The following PCSK6 variants were observed in gnomAD, a reference collection of about 807,000 sequenced individuals.
The protein encoded by PCSK6 is proprotein convertase subtilisin/kexin type 6.
PCSK6 carries 85 observed loss-of-function variants against 123.3 expected under a neutral mutation model. That is an observed-to-expected ratio of 0.69 (90% CI 0.58 to 0.83). PCSK6 has a LOEUF of 0.83. Among genes scored for constraint, PCSK6 ranks in the 40% least tolerant of loss-of-function variants. The pLI is 0.00. For synonymous variants in PCSK6, 508 were observed against 516.0 expected (o/e 0.98, Z 0.21); for missense variants, 1,191 against 1,282.3 (o/e 0.93, Z 1.09).
chr15:101,442,533 G>A (rs2056783053), intron 2 of PCSK6, among the ~76,000 whole-genome samples: 1 of 152,104 alleles, frequency 6.6e-6, no homozygotes, highest in African/African-American at 2.4e-5. Flanking sequence ...ACAGATCCCT[G>A]CTCAGTCAAT....
chr15:101,460,774 C>T (rs2057323484), intron 1 of PCSK6, among the ~76,000 whole-genome samples: 1 of 152,098 alleles, frequency 6.6e-6, no homozygotes. Context: ...TTTGGAAATT[C>T]ACAAACACAT....
chr15:101,419,746 C>G (rs1429933431), intron 6 of PCSK6, among the ~76,000 whole-genome samples: 2 of 151,762 alleles, frequency 1.3e-5, no homozygotes, highest in South Asian at 2.1e-4. Flanking sequence ...TATGAAGGAA[C>G]TGACTAAGGA....
At chr15:101,409,653 T>C (rs2042887718) in intron 6 of PCSK6, among the ~76,000 whole-genome samples, 1 of 151,304 alleles carries the variant, frequency 6.6e-6, no homozygotes, top group African/African-American at 2.4e-5. Flanking sequence ...CCTCCTGCCT[T>C]AGGAAAGTGT....
rs1221161183 is a variant in PCSK6 at position 101,459,024 on chromosome 15, T to G, written c.298-15364A>C. On this transcript the variant is annotated intron_variant, in intron 1 of 21. Transcript: ENST00000611716. Reference sequence around the variant, plus strand: ...CGTGTTCAGAGAGAAGTGGCGTGTGTGTAGCTTCTCTCAGCCAAGGGAGAA... The same window carrying G: ...CGTGTTCAGAGAGAAGTGGCGTGTGGGTAGCTTCTCTCAGCCAAGGGAGAA... Among the ~76,000 whole-genome samples the G allele has an allele frequency of 2.0e-5, 3 of 152,168 alleles. No homozygotes were observed. In the East Asian group the frequency reaches 5.8e-4, roughly 29 times the overall value.
chr15:101,437,898 G>A (rs1054761459), intron 2 of PCSK6, among the ~76,000 whole-genome samples: 1 of 152,100 alleles, frequency 6.6e-6, no homozygotes, highest in African/African-American at 2.4e-5. Flanking sequence ...GGGTAGCTCA[G>A]AACGTGACTG....
chr15:101,321,615 G>A (rs2040123658), intron 18 of PCSK6, among the ~76,000 whole-genome samples: 1 of 152,266 alleles, frequency 6.6e-6, no homozygotes, highest in Admixed American at 6.5e-5. Flanking sequence ...CTTCTTCTAT[G>A]GAGAATTCCA....
At chr15:101,307,004 G>A (rs575387778) in intron 21 of PCSK6, among the ~76,000 whole-genome samples, 24 of 152,314 alleles carry the variant, frequency 1.6e-4, no homozygotes, top group African/African-American at 5.3e-4. Flanking sequence ...CTCTCTGATC[G>A]ATGTGAGAGG....
chr15:101,431,626 C>G, intron 3 of PCSK6, 163 bp from the exon 4 acceptor site: 1 of 850,192 alleles, frequency 1.2e-6, no homozygotes, highest in Non-Finnish European at 1.9e-6. Flanking sequence ...CCACTCGGAT[C>G]GAGAATCATG....
chr15:101,455,168 C>CA (rs1384450331), intron 1 of PCSK6, among the ~76,000 whole-genome samples: 1 of 142,176 alleles, frequency 7.0e-6, no homozygotes, highest in African/African-American at 2.5e-5. Context: ...AACAAACAAA[C>CA]AAAAAACTCT....
intron 13 of PCSK6, among the ~76,000 whole-genome samples, chr15:101,361,164 CTTTTTT>C (rs754933946): frequency 8.7e-5 from 7 of 80,712 alleles, no homozygotes; most frequent in Admixed American, 6.3e-4. Flanking sequence ...CTTTCTCTCT[CTTTTTT>C]TTTTTTTTTT....
chr15:101,440,577 G>A (rs28580587), intron 2 of PCSK6, among the ~76,000 whole-genome samples: 3,647 of 152,278 alleles, frequency 0.024, 126 homozygotes, highest in African/African-American at 0.083. Context: ...GCATTTGATG[G>A]AACTTTATCC....
chr15:101,428,554 C>A (rs985228994), intron 5 of PCSK6, among the ~76,000 whole-genome samples: 1 of 152,226 alleles, frequency 6.6e-6, no homozygotes, highest in African/African-American at 2.4e-5. Flanking sequence ...AAACACTCAG[C>A]AGCTGGGAGA....
At chr15:101,431,140 C>G (rs138368305) in intron 4 of PCSK6, among the ~76,000 whole-genome samples, 180 bp downstream of exon 4, 1 of 152,330 alleles carries the variant, frequency 6.6e-6, no homozygotes, top group East Asian at 1.9e-4. Flanking sequence ...AAACCCTTGC[C>G]CCTGACAGTA....
At chr15:101,395,201 C>A (rs928305170) in intron 7 of PCSK6, among the ~76,000 whole-genome samples, 40 of 152,188 alleles carry the variant, frequency 2.6e-4, no homozygotes, top group African/African-American at 9.2e-4. Flanking sequence ...GAGCATGCAA[C>A]CTTACTGCTC....
chr15:101,332,971 T>G (rs865960897), intron 13 of PCSK6, among the ~76,000 whole-genome samples: 1 of 152,254 alleles, frequency 6.6e-6, no homozygotes. Flanking sequence ...GGAAGCCAGA[T>G]GCATTCAGTA....
intron 6 of PCSK6, among the ~76,000 whole-genome samples, chr15:101,401,505 C>T (rs1174707520): frequency 6.6e-6 from 1 of 152,168 alleles, no homozygotes; most frequent in Admixed American, 6.5e-5. Context: ...GGGAGGTCCA[C>T]AGAGTGGAGC....
chr15:101,400,284 C>T (rs987468101), intron 6 of PCSK6, among the ~76,000 whole-genome samples: 3 of 152,172 alleles, frequency 2.0e-5, no homozygotes, highest in Non-Finnish European at 4.4e-5. Flanking sequence ...GGGCATTTCC[C>T]TGTGCCATTA....
chr15:101,454,461 T>C (rs1241047790), intron 1 of PCSK6, among the ~76,000 whole-genome samples: 1 of 152,120 alleles, frequency 6.6e-6, no homozygotes, highest in African/African-American at 2.4e-5. Flanking sequence ...GAGGAAACTC[T>C]GATGCATGCT....
intron 6 of PCSK6, among the ~76,000 whole-genome samples, chr15:101,404,671 T>G (rs1045796128): frequency 6.6e-6 from 1 of 152,234 alleles, no homozygotes; most frequent in African/African-American, 2.4e-5. Context: ...TTCTTACAAT[T>G]TTTATCTACC....
Sources: gnomAD v4.1 joint callset for allele counts (sites outside exome capture counted in the v4.1 genomes callset) on GRCh38, gnomAD v4.1.1 for gene constraint, MANE v1.5 for transcripts, NCBI Gene and HGNC (gene_info 2026-07-23, HGNC 2026-07-21) for gene names.